Variants in C1QTNF12 observed in about 807,000 individuals in gnomAD.
C1QTNF12 encodes C1q and TNF related 12.
Under a neutral mutation model 34.3 loss-of-function variants are expected in C1QTNF12, and 39 were observed. That is an observed-to-expected ratio of 1.14 (90% CI 0.88 to 1.49). The LOEUF is 1.49. Ranked by LOEUF, C1QTNF12 falls within the 40% of genes most tolerant of loss-of-function variation. The pLI is 0.00. For synonymous variants in C1QTNF12, 220 were observed against 196.9 expected, an observed-to-expected ratio of 1.12 and a Z score of -0.98; for missense variants, 497 against 424.7, an observed-to-expected ratio of 1.17 and a Z score of -1.50.
chr1:1,246,624 C>T lies in C1QTNF12; in HGVS notation c.67G>A (p.Val23Ile), dbSNP rs983794223. 151 of 1,243,704 alleles carry T rather than the reference C, an allele frequency of 1.2e-4. No homozygotes were observed. The highest frequency in any genetic ancestry group is 1.5e-4 in the Non-Finnish European group (146 of 994,360). 77.0% of individuals were successfully genotyped at this position (1,243,704 alleles called of 1,614,324 possible). A position where few individuals can be genotyped will look rare whatever the true frequency, so the allele number is the denominator to read the frequency against. The change falls in exon 1 of 8, where the codon GTC becomes ATC. Residue 23 changes from valine to isoleucine, a missense_variant. Val to Ile is a conservative substitution (Grantham distance 29). Transcript: ENST00000330388. This position sits in a 1 kb window ranked among gnomAD's most constrained non-coding sequence, Gnocchi z 4.5. ...LGPQLVLLGG[V>I]GARREAQRTQ... ...CTCTGTGCCTCCCGCCGGGCCCCGA[C>T]GCCCCCGAGGAGCACGAGCTGCGGC...
At chr1:1,242,787 A>G (rs1354815676) in intron 7 of C1QTNF12, 48 bp downstream of exon 7, 2 of 1,596,600 alleles carry the variant, frequency 1.3e-6, no homozygotes, top group African/African-American at 1.3e-5. Context: ...CACCCGGCCC[A>G]GCCCGAGTGC....
rs888394407 is a variant in C1QTNF12 at position 1,246,032 on chromosome 1, G to T, written c.177+482C>A. ...GCCCCAGGACTTAACCCGCAAGAGGGGGTGCTAGCTACACAGGACCCCCAG... is the reference window on the plus strand; with the variant it reads ...GCCCCAGGACTTAACCCGCAAGAGGTGGTGCTAGCTACACAGGACCCCCAG... On this transcript the variant is annotated intron_variant, in intron 1 of 7. Coordinates refer to ENST00000330388, the MANE Select transcript of C1QTNF12 (RefSeq NM_001014980.3). This position sits in a 1 kb window ranked among gnomAD's most constrained non-coding sequence, Gnocchi z 4.5. Among the ~76,000 whole-genome samples, 1 of 152,036 alleles carries T rather than the reference G, an allele frequency of 6.6e-6. No homozygotes were observed. The highest frequency in any genetic ancestry group is 2.4e-5 in the African/African-American group (1 of 41,372).
Position 1,246,373 on chromosome 1 carries a change from A to G in C1QTNF12, c.177+141T>C. 2 of 664,858 alleles carry G rather than the reference A, an allele frequency of 3.0e-6. No individual in the cohort carries two copies. Among genetic ancestry groups the G allele is most frequent in the Non-Finnish European group, 4.2e-6 (2 of 472,058 alleles). 41.2% of individuals were successfully genotyped at this position (664,858 alleles called of 1,614,324 possible). A position where few individuals can be genotyped will look rare whatever the true frequency, so the allele number is the denominator to read the frequency against. ...CCTGGCTGGGCTGCAGCAGATTCTC[A>G]AGGCGGGACCGTGGCCGAGGCCTCG... On this transcript the variant is annotated intron_variant, in intron 1 of 7. Transcript: ENST00000330388. This position sits in a 1 kb window ranked among gnomAD's most constrained non-coding sequence, Gnocchi z 4.5.
rs201227696 is a variant in C1QTNF12, at chr1:1,243,581, C to T, written c.532-29G>A. ...TGAGGGGCAGTGGGTGAGCGGCCAG[C>T]GCAGGGCCTGGCCCCCACCCCACAG... On this transcript the variant is annotated intron_variant, in intron 4 of 7. Transcript: ENST00000330388. The T allele has an allele frequency of 2.6e-3, 4,018 of 1,524,978 alleles. 123 individuals carry two copies. The highest frequency in any genetic ancestry group is 2.4e-4 in the Non-Finnish European group (266 of 1,125,300). The allele number at this position is 1,524,978 out of a possible 1,614,324, so 94.5% of individuals were successfully genotyped here.
At chr1:1,243,908 T>G in intron 4 of C1QTNF12, 46 bp downstream of exon 4, 1 of 1,572,810 alleles carries the variant, frequency 6.4e-7, no homozygotes, top group Non-Finnish European at 8.6e-7. Flanking sequence ...GTCTTGCCTG[T>G]GGGGCCCCAC....
chr1:1,242,741 GC>G, intron 7 of C1QTNF12, 93 bp downstream of exon 7: 1 of 1,556,238 alleles, frequency 6.4e-7, no homozygotes, highest in Non-Finnish European at 8.8e-7. Context: ...AGGTGCCGAG[GC>G]CCCAGAGGTC....
At position 1,242,854 on chromosome 1, in the gene C1QTNF12, T is replaced by G. The variant is rs1338422531; in HGVS notation, c.791A>C (p.Gln264Pro). 3.1e-6 allele frequency: 5 copies of G among 1,612,222 alleles called. No individual in the cohort carries two copies. ...ACTCACCTGCAGCTGCAGCAGCCCC[T>G]GCACCTGTAGCGTGAAGACCCTGCT... is the stretch of plus-strand genomic sequence containing the variant. ...SNSRVFTLQV[Q>P]GLLQLQAGQY... is the part of the protein sequence containing the mutation. The change falls in exon 7 of 8, where the codon CAG (glutamine) becomes CCG (proline). Residue 264 changes from glutamine (Q) to proline (P), a missense_variant. Gln to Pro is a moderately conservative substitution (Grantham distance 76, BLOSUM62 -1). Coordinates refer to ENST00000330388, the MANE Select transcript of C1QTNF12 (RefSeq NM_001014980.3).
At chr1:1,246,778 G>C, upstream of C1QTNF12, 1 of 1,030,446 alleles carries the variant, frequency 9.7e-7, no homozygotes, top group African/African-American at 1.7e-5. The surrounding 1 kb of genome is among the most constrained non-coding windows in gnomAD (Gnocchi z 4.5). Context: ...CCCCGCGCGG[G>C]GGCGAGGCCC....
In C1QTNF12 at chr1:1,244,429, C is replaced by G; in HGVS notation, c.246G>C (p.Pro82=). 6.2e-7 allele frequency: 1 copy of G among 1,611,872 alleles called. No individual in the cohort carries two copies. Among genetic ancestry groups the G allele is most frequent in the Non-Finnish European group, 8.5e-7 (1 of 1,179,520 alleles). ...ACCGCTTCCTTAAGGCGCCGTCGTCCGGCCGCCGGACAAAGTTCAGCCATG... is the reference window on the plus strand; with the variant it reads ...ACCGCTTCCTTAAGGCGCCGTCGTCGGGCCGCCGGACAAAGTTCAGCCATG... ...HMTWLNFVRR[P]DDGALRKRCG... Residue 82 remains proline (P), a synonymous_variant, in exon 2 of 8, where the codon CCG becomes CCC. Coordinates refer to ENST00000330388, the MANE Select transcript of C1QTNF12 (RefSeq NM_001014980.3).
chr1:1,244,543 G>A (rs1485062154), intron 1 of C1QTNF12, 46 bp from the exon 2 acceptor site: 4 of 1,422,328 alleles, frequency 2.8e-6, no homozygotes, highest in Admixed American at 3.4e-5. Flanking sequence ...GCACCCTGCA[G>A]AGAGCTGGGA....
intron 5 of C1QTNF12, 117 bp from the exon 6 acceptor site, chr1:1,243,269 G>A (rs920961739): frequency 1.9e-6 from 2 of 1,033,400 alleles, no homozygotes; most frequent in Admixed American, 2.4e-5. Flanking sequence ...GGGCTGGGGA[G>A]GGGGCGCCTG....
rs1039203478 is a variant in C1QTNF12, at chr1:1,242,547, C to G, written c.*1G>C. ...CTCCTCGCCAGCCCCCCTGGGCGCC[C>G]TCACGTGCCCAGGAGCAGCCCGGAG... is the stretch of plus-strand genomic sequence containing the variant. On this transcript the variant is annotated 3_prime_UTR_variant, in exon 8 of 8. Coordinates refer to ENST00000330388, the MANE Select transcript of C1QTNF12 (RefSeq NM_001014980.3). The G allele has an allele frequency of 6.4e-7, 1 of 1,559,896 alleles. No individual in the cohort carries two copies.
intron 1 of C1QTNF12, among the ~76,000 whole-genome samples, chr1:1,245,358 C>T (rs1001382776): frequency 6.5e-5 from 9 of 138,488 alleles, no homozygotes; most frequent in South Asian, 2.5e-4. Context: ...AGGGACCCGG[C>T]GCCCTGGAGG....
rs1638821968 is a variant in C1QTNF12 at position 1,244,280 on chromosome 1, G to T, written c.295-5C>A. ...TGGGGGACCGAAGAGATCCCGCTGGGGGGAGAGAGAAGCAGGTGAGGGGCC... is the reference window on the plus strand; with the variant it reads ...TGGGGGACCGAAGAGATCCCGCTGGTGGGAGAGAGAAGCAGGTGAGGGGCC... On this transcript the variant is annotated splice_polypyrimidine_tract_variant and splice_region_variant and intron_variant, in intron 2 of 7. Transcript: ENST00000330388. 2.5e-6 allele frequency: 4 copies of T among 1,592,592 alleles called. No individual in the cohort carries two copies. The highest frequency in any genetic ancestry group is 1.7e-6 in the Non-Finnish European group (2 of 1,166,724).
At chr1:1,243,692 G>T in intron 4 of C1QTNF12, 140 bp from the exon 5 acceptor site, 1 of 823,068 alleles carries the variant, frequency 1.2e-6, no homozygotes, top group Non-Finnish European at 1.9e-6. Flanking sequence ...GTGGGCACCA[G>T]CAGGACTGAC....
At position 1,243,164 on chromosome 1, in the gene C1QTNF12, G is replaced by A. The variant is rs1238036222; in HGVS notation, c.641-12C>T. 3 of 1,463,080 alleles carry A rather than the reference G, an allele frequency of 2.1e-6. No homozygotes were observed. The highest frequency in any genetic ancestry group is 2.8e-6 in the Non-Finnish European group (3 of 1,090,194). The allele number at this position is 1,463,080 out of a possible 1,614,324, so 90.6% of individuals were successfully genotyped here. Reference sequence around the variant, plus strand: ...CAGCTCACTGTGGTCTGCGGAGAGAGCCCTGGGGAGGGTGGTGCATGGGGG... The same window carrying A: ...CAGCTCACTGTGGTCTGCGGAGAGAACCCTGGGGAGGGTGGTGCATGGGGG... On this transcript the variant is annotated splice_polypyrimidine_tract_variant and intron_variant, in intron 5 of 7. Transcript: ENST00000330388.
In C1QTNF12 at chr1:1,242,499, G is replaced by A; in HGVS notation, c.*49C>T. 1.4e-6 allele frequency: 2 copies of A among 1,414,286 alleles called. No homozygotes were observed. Among genetic ancestry groups the A allele is most frequent in the Non-Finnish European group, 1.9e-6 (2 of 1,031,400 alleles). 87.6% of individuals were successfully genotyped at this position (1,414,286 alleles called of 1,614,324 possible). A position where few individuals can be genotyped will look rare whatever the true frequency, so the allele number is the denominator to read the frequency against. ...GTGGTGACCACGGGCATCAGTAGGA[G>A]GGTCCCCGGGATCCGGCGGCAGCTC... On this transcript the variant is annotated 3_prime_UTR_variant, in exon 8 of 8. Coordinates refer to ENST00000330388, the MANE Select transcript of C1QTNF12 (RefSeq NM_001014980.3).
intron 4 of C1QTNF12, 94 bp downstream of exon 4, chr1:1,243,860 A>G: frequency 7.6e-7 from 1 of 1,311,626 alleles, no homozygotes; most frequent in South Asian, 1.4e-5. Context: ...CCCAACCCAC[A>G]TGCTGCCCCA....
In C1QTNF12 at chr1:1,242,481, C is replaced by T. The variant is rs762834948; in HGVS notation, c.*67G>A. On this transcript the variant is annotated 3_prime_UTR_variant, in exon 8 of 8. Transcript: ENST00000330388. ...GGTGGAGGGCTCTTTATTGTGGTGACCACGGGCATCAGTAGGAGGGTCCCC... is the reference window on the plus strand; with the variant it reads ...GGTGGAGGGCTCTTTATTGTGGTGATCACGGGCATCAGTAGGAGGGTCCCC... The T allele has an allele frequency of 2.0e-5, 25 of 1,234,092 alleles. No homozygotes were observed. The South Asian group carries it at 2.9e-4, about 15-fold the overall frequency. The allele number at this position is 1,234,092 out of a possible 1,614,324, so 76.4% of individuals were successfully genotyped here.
Sources: allele counts gnomAD v4.1 joint callset (sites outside exome capture counted in the v4.1 genomes callset), GRCh38; gene constraint gnomAD v4.1.1; non-coding constraint Gnocchi (gnomAD v3.1); transcripts MANE v1.5; gene names NCBI Gene and HGNC (gene_info 2026-07-23, HGNC 2026-07-21).